FCHSD2: variants seen among roughly 807,000 people sequenced by gnomAD.
FCHSD2 encodes the protein F-BAR and double SH3 domains protein 2.
A neutral mutation model predicts 108.1 loss-of-function variants in FCHSD2; 38 were observed. The ratio of observed to expected loss-of-function variants is 0.35; its 90% confidence interval spans 0.27 to 0.46. The LOEUF (loss-of-function observed/expected upper bound fraction) is 0.46, where lower values mean the gene tolerates loss of function less well. Among genes scored for constraint, FCHSD2 ranks in the 20% least tolerant of loss-of-function variants. The pLI is 1.00. For synonymous variants in FCHSD2, 279 were observed against 314.7 expected, an observed-to-expected ratio of 0.89 and a Z score of 1.20; for missense variants, 751 against 897.8, an observed-to-expected ratio of 0.84 and a Z score of 2.09.
Position 73,001,146 on chromosome 11 carries a change from G to A in FCHSD2, c.243-12C>T. ...CGGGATACATGCTCCTAAATTCAAA[G>A]AGGGATAGAAAAGCATTAGGCAGGG... is the stretch of plus-strand genomic sequence containing the variant. On this transcript the variant is annotated splice_polypyrimidine_tract_variant and intron_variant, in intron 4 of 19. Transcript: ENST00000409418. 6.2e-7 allele frequency: 1 copy of A among 1,611,506 alleles called. No individual in the cohort carries two copies. The highest frequency in any genetic ancestry group is 8.5e-7 in the Non-Finnish European group (1 of 1,178,874).
intron 2 of FCHSD2, among the ~76,000 whole-genome samples, chr11:73,133,792 C>CAAAA (rs56104779): frequency 1.5e-5 from 1 of 65,870 alleles, no homozygotes; most frequent in African/African-American, 6.5e-5. Flanking sequence ...AACTCCGTCT[C>CAAAA]AAAAAAAAAA....
At chr11:72,882,943 T>C (rs1223280404) in intron 12 of FCHSD2, among the ~76,000 whole-genome samples, 1 of 152,222 alleles carries the variant, frequency 6.6e-6, no homozygotes, top group Non-Finnish European at 1.5e-5. Flanking sequence ...TCATTAAGAC[T>C]GTGATACTGG....
chr11:73,102,061 T>C (rs1329039488), intron 2 of FCHSD2, among the ~76,000 whole-genome samples: 6 of 152,210 alleles, frequency 3.9e-5, no homozygotes, highest in African/African-American at 2.4e-5. Context: ...TATTTTTAAA[T>C]ATGAACAAAT....
chr11:72,931,134 C>T (rs1856182900), intron 8 of FCHSD2, among the ~76,000 whole-genome samples: 1 of 148,752 alleles, frequency 6.7e-6, no homozygotes, highest in Non-Finnish European at 1.5e-5. Context: ...CGCGCTGTGT[C>T]ACCTAGGCTG....
At chr11:73,063,968 C>G (rs766218631) in intron 3 of FCHSD2, among the ~76,000 whole-genome samples, 2 of 152,150 alleles carry the variant, frequency 1.3e-5, no homozygotes, top group Non-Finnish European at 2.9e-5. Flanking sequence ...ACTCTCCACC[C>G]CAAAACAACA....
At chr11:72,866,829 G>A (rs899328031) in intron 13 of FCHSD2, among the ~76,000 whole-genome samples, 2 of 152,128 alleles carry the variant, frequency 1.3e-5, no homozygotes, top group African/African-American at 4.8e-5. Context: ...CGTCAGTTTC[G>A]CTAGCAAGCC....
chr11:72,900,249 C>T, intron 10 of FCHSD2: 1 of 1,525,964 alleles, frequency 6.6e-7, no homozygotes, highest in East Asian at 2.5e-5. Flanking sequence ...GACCCACACC[C>T]CATATACCTC....
chr11:72,873,880 C>T (rs1362071830), intron 12 of FCHSD2, among the ~76,000 whole-genome samples: 1 of 152,116 alleles, frequency 6.6e-6, no homozygotes, highest in Non-Finnish European at 1.5e-5. Context: ...TGAAGCTTAA[C>T]CAATCAAAAA....
At chr11:72,850,570 G>T (rs1035469916) in intron 13 of FCHSD2, among the ~76,000 whole-genome samples, 5 of 150,522 alleles carry the variant, frequency 3.3e-5, no homozygotes, top group Non-Finnish European at 5.9e-5. Flanking sequence ...AGCCACGATG[G>T]TCTCGATCTC....
At chr11:72,958,458 C>A (rs1856756331) in intron 8 of FCHSD2, among the ~76,000 whole-genome samples, 1 of 152,146 alleles carries the variant, frequency 6.6e-6, no homozygotes, top group Non-Finnish European at 1.5e-5. Flanking sequence ...GCGGAGGCTG[C>A]AGAGAGCTGA....
intron 14 of FCHSD2, 84 bp from the exon 15 acceptor site, chr11:72,843,616 C>A (rs1308612504): frequency 1.2e-6 from 1 of 836,196 alleles, no homozygotes; most frequent in South Asian, 1.5e-5. Flanking sequence ...AACTGGGGAT[C>A]AAAATATTGA....
chr11:73,065,839 C>CA (rs1273052642), intron 3 of FCHSD2, among the ~76,000 whole-genome samples: 1 of 151,962 alleles, frequency 6.6e-6, no homozygotes, highest in Non-Finnish European at 1.5e-5. Flanking sequence ...AACCACTGCT[C>CA]AAGGAAATAA....
At position 72,887,641 on chromosome 11, in the gene FCHSD2, G is replaced by C. The variant is rs1191486483; in HGVS notation, c.1042-67C>G. 5 of 1,013,242 alleles carry C rather than the reference G, an allele frequency of 4.9e-6. No homozygotes were observed. The East Asian group carries it at 1.4e-4, about 29-fold the overall frequency. The allele number at this position is 1,013,242 out of a possible 1,614,324, so 62.8% of individuals were successfully genotyped here. Reference sequence around the variant, plus strand: ...TTTTCATCTTCCTTAAGTGATTAAAGTATTTACATAATTCAAAGGGCTTTA... The same window carrying C: ...TTTTCATCTTCCTTAAGTGATTAAACTATTTACATAATTCAAAGGGCTTTA... On this transcript the variant is annotated intron_variant, in intron 11 of 19. Coordinates refer to ENST00000409418, the MANE Select transcript of FCHSD2 (RefSeq NM_014824.3).
chr11:73,022,889 A>G (rs147443220), intron 3 of FCHSD2, among the ~76,000 whole-genome samples: 94 of 152,312 alleles, frequency 6.2e-4, no homozygotes, highest in African/African-American at 2.1e-3. Flanking sequence ...ATAGACCCAT[A>G]CAAATATAGT....
intron 8 of FCHSD2, among the ~76,000 whole-genome samples, chr11:72,953,154 T>C (rs1856648114): frequency 6.6e-6 from 1 of 152,106 alleles, no homozygotes; most frequent in Non-Finnish European, 1.5e-5. Flanking sequence ...CAGTGCTGGA[T>C]CAGAAAGAAA....
At chr11:72,877,973 G>T (rs1677745982) in intron 12 of FCHSD2, among the ~76,000 whole-genome samples, 2 of 151,904 alleles carry the variant, frequency 1.3e-5, no homozygotes. Context: ...CTCCAGCCTG[G>T]GTGACAGAGA....
chr11:73,048,071 T>TA lies in FCHSD2; in HGVS notation c.166-32187dup, dbSNP rs57050252. ...AGTTATTTCTAAAAAGGCAGGAAGT[T>TA]AAAAAAAAAATACAGGAGGAACAAG... On this transcript the variant is annotated intron_variant, in intron 3 of 19. Coordinates refer to ENST00000409418, the MANE Select transcript of FCHSD2 (RefSeq NM_014824.3). Among the ~76,000 whole-genome samples the TA allele has an allele frequency of 2.3e-3, 343 of 148,410 alleles. 2 individuals are homozygous for TA. Among genetic ancestry groups the TA allele is most frequent in the African/African-American group, 7.2e-3 (293 of 40,618 alleles).
At chr11:73,013,132 T>C (rs1857896900) in intron 4 of FCHSD2, among the ~76,000 whole-genome samples, 2 of 152,204 alleles carry the variant, frequency 1.3e-5, no homozygotes, top group African/African-American at 2.4e-5. Flanking sequence ...TACTGTGATA[T>C]GTAAAGTCCT....
intron 2 of FCHSD2, among the ~76,000 whole-genome samples, chr11:73,087,530 C>A (rs1859849056): frequency 6.6e-6 from 1 of 151,802 alleles, no homozygotes. Context: ...CATGGTGAAA[C>A]CCCATCTCTA....
Sources: gnomAD v4.1 joint callset for allele counts (sites outside exome capture counted in the v4.1 genomes callset) on GRCh38, gnomAD v4.1.1 for gene constraint, MANE v1.5 for transcripts, NCBI Gene and HGNC (gene_info 2026-07-23, HGNC 2026-07-21) for gene names.